The following LRRIQ3 variants were observed in gnomAD, a reference collection of about 807,000 sequenced individuals.
LRRIQ3 encodes the protein leucine rich repeats and IQ motif containing 3, also known as leucine-rich repeat and IQ domain-containing protein 3.
A neutral mutation model predicts 59.3 loss-of-function variants in LRRIQ3; 75 were observed. That is an observed-to-expected ratio of 1.26 (90% CI 1.05 to 1.53). The LOEUF (loss-of-function observed/expected upper bound fraction) is 1.53. LRRIQ3 is among the 40% of genes most tolerant of loss of function. LRRIQ3 has a pLI of 0.00. For missense variants in LRRIQ3, 831 were observed against 710.0 expected, an observed-to-expected ratio of 1.17 and a Z score of -1.94; for synonymous variants, 250 against 231.3, an observed-to-expected ratio of 1.08 and a Z score of -0.73.
intron 6 of LRRIQ3, among the ~76,000 whole-genome samples, chr1:74,048,089 T>G (rs1043487173): frequency 5.3e-5 from 8 of 152,146 alleles, no homozygotes; most frequent in African/African-American, 1.7e-4. Context: ...ACTCCAGAAT[T>G]GTAAGAAAAC....
intron 4 of LRRIQ3, among the ~76,000 whole-genome samples, chr1:74,122,412 A>G (rs1350208914): frequency 6.6e-6 from 1 of 152,072 alleles, no homozygotes; most frequent in African/African-American, 2.4e-5. Flanking sequence ...TCCTTCGCCC[A>G]CTTTTTGATG....
intron 4 of LRRIQ3, among the ~76,000 whole-genome samples, chr1:74,150,267 G>T (rs1647846390): frequency 6.6e-6 from 1 of 152,180 alleles, no homozygotes; most frequent in East Asian, 1.9e-4. Context: ...CACAGGCCTG[G>T]ACTTCTTGAA....
intron 4 of LRRIQ3, among the ~76,000 whole-genome samples, chr1:74,114,722 G>A (rs372921915): frequency 3.0e-4 from 45 of 148,986 alleles, no homozygotes; most frequent in African/African-American, 7.9e-4. Context: ...GCAACAGAGC[G>A]AGACTCCGTC....
intron 6 of LRRIQ3, among the ~76,000 whole-genome samples, chr1:74,062,135 G>A: frequency 6.6e-6 from 1 of 152,080 alleles, no homozygotes; most frequent in East Asian, 1.9e-4. Context: ...CCTACAGAAT[G>A]GGAGAAAATA....
intron 4 of LRRIQ3, among the ~76,000 whole-genome samples, chr1:74,118,033 T>A (rs1399143997): frequency 2.0e-5 from 3 of 152,098 alleles, no homozygotes; most frequent in Non-Finnish European, 4.4e-5. Flanking sequence ...AGAATACATT[T>A]AGCTATTAAA....
intron 6 of LRRIQ3, among the ~76,000 whole-genome samples, chr1:74,069,058 A>T (rs1434637376): frequency 6.6e-6 from 1 of 152,106 alleles, no homozygotes; most frequent in Non-Finnish European, 1.5e-5. Context: ...AAATCTGATC[A>T]CAGGCAGGTT....
rs1646657902 is a variant in LRRIQ3, at chr1:74,109,379, A to C, written c.867+15T>G. 3.5e-6 allele frequency: 5 copies of C among 1,420,826 alleles called. No homozygotes were observed. The highest frequency in any genetic ancestry group is 4.8e-6 in the Non-Finnish European group (5 of 1,041,196). 88.0% of individuals were successfully genotyped at this position (1,420,826 alleles called of 1,614,324 possible). A position where few individuals can be genotyped will look rare whatever the true frequency, so the allele number is the denominator to read the frequency against. On this transcript the variant is annotated intron_variant, in intron 5 of 7. Coordinates refer to ENST00000354431, the MANE Select transcript of LRRIQ3 (RefSeq NM_001105659.2). Reference sequence around the variant, plus strand: ...AATACATTTCAAATAAAAATAATAAACTAATTATACTTACATGTTTCCAAT... The same window carrying C: ...AATACATTTCAAATAAAAATAATAACCTAATTATACTTACATGTTTCCAAT...
chr1:74,160,155 C>T (rs1399302359), intron 3 of LRRIQ3, among the ~76,000 whole-genome samples: 1 of 151,902 alleles, frequency 6.6e-6, no homozygotes, highest in Non-Finnish European at 1.5e-5. Flanking sequence ...CATATAACAC[C>T]CTTTGCTATT....
chr1:74,118,160 C>T (rs927725343), intron 4 of LRRIQ3, among the ~76,000 whole-genome samples: 1 of 152,098 alleles, frequency 6.6e-6, no homozygotes, highest in African/African-American at 2.4e-5. Flanking sequence ...TATATGTACA[C>T]ATTTTTAAAA....
chr1:74,163,335 C>A (rs1648770028), intron 3 of LRRIQ3, among the ~76,000 whole-genome samples: 1 of 151,474 alleles, frequency 6.6e-6, no homozygotes, highest in African/African-American at 2.4e-5. Context: ...AGCATGGAAT[C>A]TTTTGCATTA....
At position 74,155,877 on chromosome 1, in the gene LRRIQ3, A is replaced by T. The variant is rs1308732181; in HGVS notation, c.574-11T>A. ...TTCATAGGTTGTTCCCTGTATAAAG[A>T]AAATATAATTAATAATTTTTATCTT... is the stretch of plus-strand genomic sequence containing the variant. On this transcript the variant is annotated splice_polypyrimidine_tract_variant and intron_variant, in intron 3 of 7. Coordinates refer to ENST00000354431, the MANE Select transcript of LRRIQ3 (RefSeq NM_001105659.2). The T allele has an allele frequency of 4.0e-6, 5 of 1,235,920 alleles. No homozygotes were observed. The highest frequency in any genetic ancestry group is 5.5e-6 in the Non-Finnish European group (5 of 916,242). The allele number at this position is 1,235,920 out of a possible 1,614,324, so 76.6% of individuals were successfully genotyped here.
At position 74,118,215 on chromosome 1, in the gene LRRIQ3, C is replaced by T. The variant is rs140720589; in HGVS notation, c.708-8662G>A. ...CAATTATCAATCATTACTACACTCT[C>T]GCTTTTACAGACCATTGCACAGGCA... On this transcript the variant is annotated intron_variant, in intron 4 of 7. Transcript: ENST00000354431. Among the ~76,000 whole-genome samples, 58 of 152,184 alleles carry T rather than the reference C, an allele frequency of 3.8e-4. No homozygotes were observed. In the East Asian group the frequency reaches 0.011, roughly 28 times the overall value.
intron 3 of LRRIQ3, chr1:74,179,937 T>C (rs1649877034): frequency 6.6e-6 from 1 of 152,050 alleles, no homozygotes; most frequent in African/African-American, 2.4e-5. Flanking sequence ...TCATTTATCC[T>C]CAGTTTATAA....
At chr1:74,130,729 T>C (rs1557630483) in intron 4 of LRRIQ3, among the ~76,000 whole-genome samples, 1 of 152,078 alleles carries the variant, frequency 6.6e-6, no homozygotes, top group Non-Finnish European at 1.5e-5. Flanking sequence ...TTAAGAGGTA[T>C]TGTTGTTTGT....
rs531281092 is a variant in LRRIQ3, at chr1:74,087,117, C to T, written c.868-12327G>A. ...ATATTATGCATATAACTCCACAACTCCACATATGGTATTAAAATATATAGA... is the reference window on the plus strand; with the variant it reads ...ATATTATGCATATAACTCCACAACTTCACATATGGTATTAAAATATATAGA... On this transcript the variant is annotated intron_variant, in intron 5 of 7. Transcript: ENST00000354431. Among the ~76,000 whole-genome samples the T allele has an allele frequency of 3.9e-5, 6 of 152,112 alleles. No homozygotes were observed. In the South Asian group the frequency reaches 1.2e-3, roughly 32 times the overall value.
At chr1:74,194,327 A>G (rs567220957) in intron 1 of LRRIQ3, among the ~76,000 whole-genome samples, 2 of 152,302 alleles carry the variant, frequency 1.3e-5, no homozygotes, top group Admixed American at 1.3e-4. Flanking sequence ...AGACTAGTAC[A>G]TGTGTCCTGG....
At chr1:74,086,181 A>C (rs1476701871) in intron 5 of LRRIQ3, among the ~76,000 whole-genome samples, 1 of 151,996 alleles carries the variant, frequency 6.6e-6, no homozygotes, top group Non-Finnish European at 1.5e-5. Flanking sequence ...AGACTTCATC[A>C]CCCCTTTCTG....
At chr1:74,116,740 T>C (rs1332844555) in intron 4 of LRRIQ3, among the ~76,000 whole-genome samples, 1 of 152,036 alleles carries the variant, frequency 6.6e-6, no homozygotes, top group Non-Finnish European at 1.5e-5. Flanking sequence ...TAAAAGTATC[T>C]ACAAAATGCT....
Position 74,041,259 on chromosome 1 carries a change from CT to C in LRRIQ3, c.1671del (p.Ala558GlnfsTer12), listed in dbSNP as rs776587421. 1.3e-6 allele frequency: 2 copies of C among 1,593,768 alleles called. No individual in the cohort carries two copies. The highest frequency in any genetic ancestry group is 1.7e-6 in the Non-Finnish European group (2 of 1,173,974). ...AGTAAATTCTTTCTATATTTTTCTG[CT>C]TTTAGTTTTTGCTTAACAATCAGGC... ...EKSLIVKQKL[K>X]AEKYRKNLLK... On this transcript the variant is annotated frameshift_variant, in exon 7 of 8. Transcript: ENST00000354431. LOFTEE classifies it low-confidence loss of function (END_TRUNC).
Sources: gnomAD v4.1 joint callset for allele counts (sites outside exome capture counted in the v4.1 genomes callset) on GRCh38, gnomAD v4.1.1 for gene constraint, MANE v1.5 for transcripts, NCBI Gene and HGNC (gene_info 2026-07-23, HGNC 2026-07-21) for gene names.